TRAM2: variants seen among roughly 807,000 people sequenced by gnomAD.
The protein encoded by TRAM2 is translocation associated membrane protein 2.
In TRAM2, 12 loss-of-function variants were observed where a neutral mutation model predicts 51.0. That is an observed-to-expected ratio of 0.24 (90% CI 0.15 to 0.38). The LOEUF is 0.38. Among genes scored for constraint, TRAM2 ranks in the 10% least tolerant of loss-of-function variants. The pLI, the probability that TRAM2 is intolerant of heterozygous loss-of-function variation, is 1.00. For missense variants in TRAM2, 361 were observed against 462.0 expected (o/e 0.78, Z 2.00); for synonymous variants, 175 against 179.4 (o/e 0.98, Z 0.20).
Position 52,502,192 on chromosome 6 carries a change from G to A in TRAM2, c.*1005C>T, listed in dbSNP as rs552539081. ...TTCTGCAGCTAGAGATGAAGTCAAG[G>A]TAGTAAGTTTGGCCCCTGACGGGGC... On this transcript the variant is annotated 3_prime_UTR_variant, in exon 11 of 11. Coordinates refer to ENST00000182527, the MANE Select transcript of TRAM2 (RefSeq NM_012288.4). The A allele has an allele frequency of 1.3e-5, 2 of 152,450 alleles. No individual in the cohort carries two copies. The highest frequency in any genetic ancestry group is 2.1e-4 in the South Asian group (1 of 4,826). 9.4% of individuals were successfully genotyped at this position (152,450 alleles called of 1,614,324 possible).
At chr6:52,559,783 A>G (rs1470729145) in intron 1 of TRAM2, among the ~76,000 whole-genome samples, 1 of 152,224 alleles carries the variant, frequency 6.6e-6, no homozygotes, top group Non-Finnish European at 1.5e-5. Context: ...CAACAAATGT[A>G]TCTGCACTGA....
intron 2 of TRAM2, among the ~76,000 whole-genome samples, chr6:52,533,824 G>A (rs1766932949): frequency 6.6e-6 from 1 of 152,262 alleles, no homozygotes; most frequent in Non-Finnish European, 1.5e-5. Context: ...GGGTGCAGTG[G>A]CACATGCCTG....
intron 2 of TRAM2, among the ~76,000 whole-genome samples, chr6:52,535,039 T>G (rs1296431087): frequency 1.3e-5 from 2 of 151,174 alleles, no homozygotes; most frequent in Middle Eastern, 6.3e-3. Context: ...GCCTGAGGTT[T>G]GGTCCTTACC....
intron 2 of TRAM2, among the ~76,000 whole-genome samples, chr6:52,519,294 C>A (rs902677490): frequency 6.6e-6 from 1 of 152,152 alleles, no homozygotes; most frequent in African/African-American, 2.4e-5. Context: ...ACCAAACAAC[C>A]TGATTCTAAA....
intron 2 of TRAM2, among the ~76,000 whole-genome samples, chr6:52,531,725 AC>A (rs1333092531): frequency 6.6e-6 from 1 of 151,476 alleles, no homozygotes; most frequent in Non-Finnish European, 1.5e-5. Context: ...ACACAACACA[AC>A]CCCCACACTC....
intron 2 of TRAM2, among the ~76,000 whole-genome samples, chr6:52,522,310 G>A (rs528297575): frequency 2.0e-4 from 30 of 152,286 alleles, no homozygotes; most frequent in Non-Finnish European, 4.0e-4. Context: ...AGGCAGTGGC[G>A]TAGCTGCATC....
chr6:52,531,469 G>A (rs1238835514), intron 2 of TRAM2, among the ~76,000 whole-genome samples: 1 of 152,194 alleles, frequency 6.6e-6, no homozygotes, highest in African/African-American at 2.4e-5. Flanking sequence ...CCTCCATTTA[G>A]CATGTACTTC....
intron 1 of TRAM2, among the ~76,000 whole-genome samples, chr6:52,562,200 T>G (rs1160014320): frequency 6.6e-6 from 1 of 152,194 alleles, no homozygotes; most frequent in Non-Finnish European, 1.5e-5. Flanking sequence ...ACAGATACTA[T>G]GGTAAGCAAT....
chr6:52,555,481 C>T (rs887499521), intron 1 of TRAM2, among the ~76,000 whole-genome samples: 8 of 152,008 alleles, frequency 5.3e-5, no homozygotes, highest in African/African-American at 9.7e-5. Flanking sequence ...TGAAATCCTA[C>T]GACAGAGAAA....
intron 2 of TRAM2, among the ~76,000 whole-genome samples, chr6:52,533,440 C>G (rs143703024): frequency 6.6e-6 from 1 of 152,156 alleles, no homozygotes; most frequent in Non-Finnish European, 1.5e-5. Context: ...CTGGGATGAG[C>G]GGGCATCTGT....
chr6:52,508,333 G>T lies in TRAM2; in HGVS notation c.471-15C>A. 2 of 1,612,712 alleles carry T rather than the reference G, an allele frequency of 1.2e-6. No individual in the cohort carries two copies. The highest frequency in any genetic ancestry group is 1.7e-6 in the Non-Finnish European group (2 of 1,179,482). Reference sequence around the variant, plus strand: ...TCACCTGGAAGCTGGAGACAAGGGGGCAAGTCACACGGGCAGGATAGAGAA... The same window carrying T: ...TCACCTGGAAGCTGGAGACAAGGGGTCAAGTCACACGGGCAGGATAGAGAA... On this transcript the variant is annotated splice_polypyrimidine_tract_variant and intron_variant, in intron 5 of 10. Coordinates refer to ENST00000182527, the MANE Select transcript of TRAM2 (RefSeq NM_012288.4).
At chr6:52,530,383 C>G (rs1480201385) in intron 2 of TRAM2, among the ~76,000 whole-genome samples, 1 of 152,198 alleles carries the variant, frequency 6.6e-6, no homozygotes, top group African/African-American at 2.4e-5. Flanking sequence ...TGCACAAAAT[C>G]ATAAATTTAT....
chr6:52,542,963 G>C (rs1767130989), intron 1 of TRAM2, among the ~76,000 whole-genome samples: 3 of 152,106 alleles, frequency 2.0e-5, no homozygotes, highest in African/African-American at 7.2e-5. Context: ...AAAAACAGAG[G>C]GTGGCCTAGG....
intron 2 of TRAM2, among the ~76,000 whole-genome samples, chr6:52,533,360 C>T (rs1007159811): frequency 2.6e-5 from 4 of 152,078 alleles, no homozygotes; most frequent in African/African-American, 9.7e-5. Context: ...AGTAAATAAG[C>T]CCGGATTTGA....
At chr6:52,506,219 CCCTGTG>C (rs1239552248) in intron 7 of TRAM2, 83 bp from the exon 8 acceptor site, 2 of 1,280,732 alleles carry the variant, frequency 1.6e-6, no homozygotes, top group African/African-American at 1.5e-5. Flanking sequence ...TCAGGCTGTC[CCCTGTG>C]CCTGGCTGGG....
intron 1 of TRAM2, among the ~76,000 whole-genome samples, chr6:52,568,023 G>A (rs1419280971): frequency 5.9e-5 from 9 of 152,198 alleles, no homozygotes; most frequent in Non-Finnish European, 1.3e-4. Context: ...ACATGTCCAT[G>A]TTAAGAAGGC....
chr6:52,567,865 A>G (rs1333900301), intron 1 of TRAM2, among the ~76,000 whole-genome samples: 1 of 152,270 alleles, frequency 6.6e-6, no homozygotes, highest in Non-Finnish European at 1.5e-5. Context: ...AACCAAGATT[A>G]GAAGTGAGCC....
rs538653427 is a variant in TRAM2 at position 52,527,109 on chromosome 6, G to A, written c.184+8674C>T. 2.0e-5 allele frequency among the ~76,000 whole-genome samples: 3 copies of A among 152,062 alleles called. No homozygotes were observed. In the South Asian group the frequency reaches 6.2e-4, roughly 31 times the overall value. Reference sequence around the variant, plus strand: ...AAAAAAAATTATCCAGCTGGGCATGGTGGCTCACACCTGTAATCCCAGCAC... The same window carrying A: ...AAAAAAAATTATCCAGCTGGGCATGATGGCTCACACCTGTAATCCCAGCAC... On this transcript the variant is annotated intron_variant, in intron 2 of 10. Coordinates refer to ENST00000182527, the MANE Select transcript of TRAM2 (RefSeq NM_012288.4).
chr6:52,552,762 A>T (rs1164442259), intron 1 of TRAM2, among the ~76,000 whole-genome samples: 1 of 152,038 alleles, frequency 6.6e-6, no homozygotes. Flanking sequence ...CCAGGATGGG[A>T]GGTGGGAGGC....
Sources: gnomAD v4.1 joint callset for allele counts (sites outside exome capture counted in the v4.1 genomes callset) on GRCh38, gnomAD v4.1.1 for gene constraint, MANE v1.5 for transcripts, NCBI Gene and HGNC (gene_info 2026-07-23, HGNC 2026-07-21) for gene names.